Variants in EYA2 observed in about 807,000 individuals in gnomAD.
The protein encoded by EYA2 is EYA transcriptional coactivator and phosphatase 2.
EYA2 carries 31 observed loss-of-function variants against 69.2 expected under a neutral mutation model. The observed-to-expected ratio is 0.45, with a 90% CI of 0.34 to 0.60. The LOEUF is 0.60. EYA2 is among the 20% of genes least tolerant of loss of function. The probability of loss-of-function intolerance (pLI) is 0.02; values close to 1 mark genes in which losing one functional copy is unlikely to be tolerated. For synonymous variants in EYA2, 257 were observed against 279.4 expected (o/e 0.92, Z 0.80); for missense variants, 622 against 701.2 (o/e 0.89, Z 1.28).
chr20:47,056,728 C>G (rs1273624709), intron 5 of EYA2, among the ~76,000 whole-genome samples: 2 of 152,120 alleles, frequency 1.3e-5, no homozygotes, highest in African/African-American at 4.8e-5. Flanking sequence ...TCCAAGGAGA[C>G]AGGACCCTGC....
At chr20:46,968,390 G>A (rs1164414473) in intron 1 of EYA2, among the ~76,000 whole-genome samples, 1 of 152,150 alleles carries the variant, frequency 6.6e-6, no homozygotes, top group Non-Finnish European at 1.5e-5. Flanking sequence ...TTTGTCTCAC[G>A]TCATCCTCAC....
At chr20:47,094,144 G>A (rs2032176264) in intron 8 of EYA2, among the ~76,000 whole-genome samples, 1 of 152,220 alleles carries the variant, frequency 6.6e-6, no homozygotes, top group African/African-American at 2.4e-5. Context: ...TGAGGTAGTA[G>A]GAGAAAGGGA....
chr20:47,117,067 T>C (rs2032916314), intron 9 of EYA2, among the ~76,000 whole-genome samples: 1 of 147,584 alleles, frequency 6.8e-6, no homozygotes, highest in South Asian at 2.1e-4. Flanking sequence ...TGCAGTGGTG[T>C]AGTGGTGCGA....
At chr20:46,996,356 G>C (rs1448328083) in intron 2 of EYA2, among the ~76,000 whole-genome samples, 1 of 152,180 alleles carries the variant, frequency 6.6e-6, no homozygotes. Flanking sequence ...CCCAAATTGT[G>C]ATAATGCTTA....
At chr20:47,179,412 TTGGGTGGATGGATGGGTGGATAGGTGGG>T (rs2034491153) in intron 12 of EYA2, among the ~76,000 whole-genome samples, 1 of 129,488 alleles carries the variant, frequency 7.7e-6, no homozygotes, top group South Asian at 2.6e-4. Context: ...TGGATGGATA[TTGGGTGGATGGATGGGTGGATAGGTGGG>T]TGGGTGGATG....
chr20:46,929,419 CT>C (rs10693379), intron 1 of EYA2, among the ~76,000 whole-genome samples: 1 of 148,944 alleles, frequency 6.7e-6, no homozygotes, highest in East Asian at 2.0e-4. Context: ...TGAGAAGGGG[CT>C]TTTTTTTTGA....
At chr20:47,166,066 C>T (rs182757243) in intron 10 of EYA2, among the ~76,000 whole-genome samples, 13 of 151,970 alleles carry the variant, frequency 8.6e-5, no homozygotes, top group Admixed American at 5.9e-4. Context: ...GCAGGGGCTT[C>T]CCACCATCCC....
intron 5 of EYA2, among the ~76,000 whole-genome samples, chr20:47,050,904 G>A (rs188864422): frequency 6.6e-6 from 1 of 152,376 alleles, no homozygotes; most frequent in Admixed American, 6.5e-5. Flanking sequence ...GAGGCTCCTT[G>A]CCCCGCTGGG....
At chr20:46,946,026 C>G (rs536677980) in intron 1 of EYA2, among the ~76,000 whole-genome samples, 2 of 152,150 alleles carry the variant, frequency 1.3e-5, no homozygotes, top group Non-Finnish European at 2.9e-5. Context: ...AAGCACTCTT[C>G]GAGGGTCTTG....
At chr20:46,929,170 A>G (rs6122542) in intron 1 of EYA2, among the ~76,000 whole-genome samples, 16,838 of 149,980 alleles carry the variant, frequency 0.11, 1,557 homozygotes, top group East Asian at 0.39. Flanking sequence ...AAAAAAAAAA[A>G]AAGAAGAAAA....
chr20:46,994,062 G>A lies in EYA2; in HGVS notation c.109+3943G>A, dbSNP rs112252384. The stretch of plus-strand genomic sequence containing the variant: ...AAAAAATTATTTCTGGGTGAGTGAA[G>A]GGGTAGGTGGATGAAGACAGAATGG... On this transcript the variant is annotated intron_variant, in intron 2 of 15. Coordinates refer to ENST00000327619, the MANE Select transcript of EYA2 (RefSeq NM_005244.5). 3.1e-4 allele frequency among the ~76,000 whole-genome samples: 47 copies of A among 152,334 alleles called. 1 individual carries two copies. The highest frequency in any genetic ancestry group is 1.1e-3 in the African/African-American group (46 of 41,570).
chr20:47,013,610 G>A (rs1028172677), intron 4 of EYA2, among the ~76,000 whole-genome samples: 1 of 152,174 alleles, frequency 6.6e-6, no homozygotes, highest in Non-Finnish European at 1.5e-5. Context: ...TGATATTTCC[G>A]ATTCTGGCTT....
chr20:47,151,094 G>C (rs1165806440), intron 10 of EYA2, among the ~76,000 whole-genome samples: 1 of 151,980 alleles, frequency 6.6e-6, no homozygotes, highest in Non-Finnish European at 1.5e-5. Context: ...CAGTAGGCTG[G>C]GCACAGTTGT....
chr20:47,049,868 C>G (rs571796339), intron 5 of EYA2, among the ~76,000 whole-genome samples: 15 of 151,364 alleles, frequency 9.9e-5, no homozygotes, highest in Admixed American at 6.6e-4. Flanking sequence ...AGACCCCCCC[C>G]CCACCGCCAC....
At chr20:47,159,258 T>C (rs2034017171) in intron 10 of EYA2, among the ~76,000 whole-genome samples, 1 of 152,010 alleles carries the variant, frequency 6.6e-6, no homozygotes, top group Non-Finnish European at 1.5e-5. Context: ...TGATAATATT[T>C]ACCCTTGATG....
In EYA2 at chr20:47,147,256, G is replaced by T. The variant is rs112408513; in HGVS notation, c.978+4108G>T. 8.0e-3 allele frequency among the ~76,000 whole-genome samples: 1,212 copies of T among 151,860 alleles called. 7 individuals are homozygous for T. Among genetic ancestry groups the T allele is most frequent in the South Asian group, 0.028 (136 of 4,788 alleles). The stretch of plus-strand genomic sequence containing the variant: ...TAGAAACAGGGCTTCACCTTGTTGG[G>T]CACGGTGGTCTCGAACTCCTGACCT... On this transcript the variant is annotated intron_variant, in intron 10 of 15. Transcript: ENST00000327619.
chr20:47,039,142 A>G (rs985406483), intron 5 of EYA2, among the ~76,000 whole-genome samples: 4 of 119,118 alleles, frequency 3.4e-5, no homozygotes, highest in African/African-American at 1.2e-4. Flanking sequence ...CGCGCGCACA[A>G]TTCTATAATG....
At chr20:47,077,397 G>A (rs17412892) in intron 7 of EYA2, among the ~76,000 whole-genome samples, 18,094 of 152,206 alleles carry the variant, frequency 0.12, 1,395 homozygotes, top group Non-Finnish European at 0.17. Context: ...GCAGCAATAC[G>A]TTAGAATGTC....
chr20:47,033,024 A>G (rs1034666431), intron 5 of EYA2, among the ~76,000 whole-genome samples: 2 of 152,144 alleles, frequency 1.3e-5, no homozygotes, highest in African/African-American at 2.4e-5. Flanking sequence ...CACACTTTGC[A>G]TCTCTGCTAC....
Sources: gnomAD v4.1 joint callset for allele counts (sites outside exome capture counted in the v4.1 genomes callset) on GRCh38, gnomAD v4.1.1 for gene constraint, MANE v1.5 for transcripts, NCBI Gene and HGNC (gene_info 2026-07-23, HGNC 2026-07-21) for gene names.